The following SCG3 variants were observed in gnomAD, a reference collection of about 807,000 sequenced individuals.
SCG3 encodes the protein secretogranin-3.
SCG3 carries 38 observed loss-of-function variants against 56.2 expected under a neutral mutation model. The observed-to-expected ratio is 0.68, with a 90% CI of 0.52 to 0.89. SCG3 has a LOEUF of 0.89. Ranked by LOEUF, SCG3 falls within the 40% of genes least tolerant of loss-of-function variation. The probability of loss-of-function intolerance (pLI) is 0.00; values close to 1 mark genes in which losing one functional copy is unlikely to be tolerated. For missense variants in SCG3, 524 were observed against 540.7 expected (o/e 0.97, Z 0.31); for synonymous variants, 176 against 184.2 (o/e 0.96, Z 0.36).
chr15:51,695,869 A>C lies in SCG3; in HGVS notation c.869-6A>C, dbSNP rs753045909. The C allele has an allele frequency of 6.7e-7, 1 of 1,498,016 alleles. No homozygotes were observed. The highest frequency in any genetic ancestry group is 9.3e-7 in the Non-Finnish European group (1 of 1,078,150). The allele number at this position is 1,498,016 out of a possible 1,614,324, so 92.8% of individuals were successfully genotyped here. On this transcript the variant is annotated splice_polypyrimidine_tract_variant and splice_region_variant and intron_variant, in intron 7 of 11. Coordinates refer to ENST00000220478, the MANE Select transcript of SCG3 (RefSeq NM_013243.4). Reference sequence around the variant, plus strand: ...CAGTTTTAAGTTATTTTGTTCTTTCATATAGAAAAAGAAGCAAAAGAGAAA... The same window carrying C: ...CAGTTTTAAGTTATTTTGTTCTTTCCTATAGAAAAAGAAGCAAAAGAGAAA...
intron 10 of SCG3, among the ~76,000 whole-genome samples, chr15:51,701,953 G>A (rs951853857): frequency 2.0e-5 from 3 of 152,052 alleles, no homozygotes; most frequent in African/African-American, 7.2e-5. Flanking sequence ...GGGGATGGGG[G>A]AGGATTAGAT....
intron 7 of SCG3, among the ~76,000 whole-genome samples, chr15:51,695,040 A>G (rs922324698): frequency 4.6e-5 from 7 of 152,146 alleles, no homozygotes; most frequent in Admixed American, 3.9e-4. Flanking sequence ...CAAAAAAAAA[A>G]AAAAAGAAAA....
In SCG3 at chr15:51,683,332, C is replaced by T. The variant is rs1258294903; in HGVS notation, c.295C>T (p.Leu99Phe). 16 of 1,613,454 alleles carry T rather than the reference C, an allele frequency of 9.9e-6. No homozygotes were observed. The highest frequency in any genetic ancestry group is 3.3e-4 in the Middle Eastern group (2 of 6,052). The change falls in exon 4 of 12, where the codon CTT (leucine) becomes TTT (phenylalanine). Residue 99 changes from leucine to phenylalanine, a missense_variant. By Grantham distance (22) the Leu-to-Phe change is conservative. Coordinates refer to ENST00000220478, the MANE Select transcript of SCG3 (RefSeq NM_013243.4). Reference protein sequence around the residue: ...KERQSIRSSPLDNKLNVEDVD... With the variant: ...KERQSIRSSPFDNKLNVEDVD... Reference sequence around the variant, plus strand: ...AAGACAATCTATAAGAAGCTCCCCACTTGATAATAAGTTGAATGTGGAAGA... The same window carrying T: ...AAGACAATCTATAAGAAGCTCCCCATTTGATAATAAGTTGAATGTGGAAGA...
Position 51,681,916 on chromosome 15 carries a change from G to A in SCG3, c.82+79G>A, listed in dbSNP as rs17648679. 1.9e-3 allele frequency: 2,089 copies of A among 1,105,558 alleles called. 45 individuals are homozygous for A. The East Asian group carries it at 0.047, about 25-fold the overall frequency. The allele number at this position is 1,105,558 out of a possible 1,614,324, so 68.5% of individuals were successfully genotyped here. On this transcript the variant is annotated intron_variant, in intron 1 of 11. Transcript: ENST00000220478. ...TAAAGTTTGGCATAATACGTGAGCT[G>A]TAAATCACCCTGACGCGTTTTCTGA...
chr15:51,682,646 A>G, intron 2 of SCG3, 77 bp downstream of exon 2: 1 of 855,078 alleles, frequency 1.2e-6, no homozygotes, highest in Non-Finnish European at 1.8e-6. Context: ...ATGCTGTGAC[A>G]TTTTGGTCAT....
At chr15:51,697,211 T>C (rs1178665332) in intron 8 of SCG3, among the ~76,000 whole-genome samples, 1 of 145,550 alleles carries the variant, frequency 6.9e-6, no homozygotes, top group Non-Finnish European at 1.5e-5. Flanking sequence ...TAAGCTCATA[T>C]TACACATAGT....
At chr15:51,688,215 A>C in intron 4 of SCG3, 45 bp from the exon 5 acceptor site, 9 of 1,558,968 alleles carry the variant, frequency 5.8e-6, no homozygotes, top group Non-Finnish European at 7.9e-6. Context: ...TGCATGAAAT[A>C]GATCTATGAT....
At chr15:51,686,618 C>T (rs2055230179) in intron 4 of SCG3, among the ~76,000 whole-genome samples, 1 of 152,090 alleles carries the variant, frequency 6.6e-6, no homozygotes, top group African/African-American at 2.4e-5. Flanking sequence ...AATAGTGAGT[C>T]TCTGCTCCTG....
chr15:51,687,500 T>C (rs1004589488), intron 4 of SCG3, among the ~76,000 whole-genome samples: 1 of 152,210 alleles, frequency 6.6e-6, no homozygotes, highest in Admixed American at 6.5e-5. Context: ...AGTCTGAAGT[T>C]GTATTGCCAA....
chr15:51,683,490 G>A, intron 4 of SCG3, 56 bp downstream of exon 4: 2 of 1,083,100 alleles, frequency 1.8e-6, no homozygotes, highest in Non-Finnish European at 2.7e-6. Flanking sequence ...AATGGGTTAA[G>A]AGAAAGTCCA....
chr15:51,684,530 C>G (rs1381165293), intron 4 of SCG3, among the ~76,000 whole-genome samples: 1 of 152,132 alleles, frequency 6.6e-6, no homozygotes, highest in Non-Finnish European at 1.5e-5. Flanking sequence ...TGAGCCAAGA[C>G]CACGCCACTG....
chr15:51,707,776 G>T (rs1430394703), intron 10 of SCG3, among the ~76,000 whole-genome samples: 1 of 152,162 alleles, frequency 6.6e-6, no homozygotes, highest in Admixed American at 6.5e-5. Flanking sequence ...ACAGCTCCGT[G>T]GCCTGTGTCA....
chr15:51,683,938 A>C (rs2055212206), intron 4 of SCG3, among the ~76,000 whole-genome samples: 1 of 152,246 alleles, frequency 6.6e-6, no homozygotes, highest in East Asian at 1.9e-4. Context: ...TCTCTTAGCT[A>C]TAGACCTATT....
rs57734697 is a variant in SCG3 at position 51,717,548 on chromosome 15, G to GAA, written c.1289-1852_1289-1851dup. Among the ~76,000 whole-genome samples, 672 of 149,332 alleles carry GAA rather than the reference G, an allele frequency of 4.5e-3. 6 individuals carry two copies. The highest frequency in any genetic ancestry group is 0.014 in the African/African-American group (573 of 40,496). ...ACCCTGTCAAAAAAAAAGAAAAAAA[G>GAA]AAAAAAAAAGGATTGCTAGAATTCA... is the stretch of plus-strand genomic sequence containing the variant. On this transcript the variant is annotated intron_variant, in intron 11 of 11. Transcript: ENST00000220478.
At chr15:51,703,569 C>T (rs770228760) in intron 10 of SCG3, among the ~76,000 whole-genome samples, 2 of 152,126 alleles carry the variant, frequency 1.3e-5, no homozygotes, top group Non-Finnish European at 2.9e-5. Context: ...CTAGCAACAA[C>T]GGGATATTCT....
At chr15:51,706,664 T>A (rs1322446335) in intron 10 of SCG3, among the ~76,000 whole-genome samples, 2 of 152,148 alleles carry the variant, frequency 1.3e-5, no homozygotes, top group Non-Finnish European at 2.9e-5. Flanking sequence ...AACTGGGTCC[T>A]GTGAGGAATA....
At chr15:51,693,797 T>G (rs2055284279) in intron 7 of SCG3, 1 of 152,224 alleles carries the variant, frequency 6.6e-6, no homozygotes, top group Admixed American at 6.5e-5. Flanking sequence ...CTGCAGGGCT[T>G]GTACATCTTG....
intron 11 of SCG3, among the ~76,000 whole-genome samples, chr15:51,718,199 TAGACAGAC>T (rs3078130): frequency 0.37 from 55,718 of 148,824 alleles, 10,679 homozygotes; most frequent in Admixed American, 0.47. Context: ...GATAGATAGA[TAGACAGAC>T]AGACAGACAG....
In SCG3 at chr15:51,688,938, G is replaced by A. The variant is rs113546923; in HGVS notation, c.541-281G>A. 5.3e-5 allele frequency among the ~76,000 whole-genome samples: 8 copies of A among 152,264 alleles called. 1 individual carries two copies. The highest frequency in any genetic ancestry group is 1.9e-4 in the African/African-American group (8 of 41,528). ...TCTGACTATGACCCAAAGCTGTGGA[G>A]GGGCAATGCTCAGGGTGTTTCTCAA... is the stretch of plus-strand genomic sequence containing the variant. On this transcript the variant is annotated intron_variant, in intron 5 of 11. Coordinates refer to ENST00000220478, the MANE Select transcript of SCG3 (RefSeq NM_013243.4).
Sources: allele counts gnomAD v4.1 joint callset (sites outside exome capture counted in the v4.1 genomes callset), GRCh38; gene constraint gnomAD v4.1.1; transcripts MANE v1.5; gene names NCBI Gene and HGNC (gene_info 2026-07-23, HGNC 2026-07-21).